MYO5C: variants seen among roughly 807,000 people sequenced by gnomAD.
MYO5C encodes the protein myosin VC.
In MYO5C, 194 loss-of-function variants were observed where a neutral mutation model predicts 235.7. That is an observed-to-expected ratio of 0.82 (90% CI 0.73 to 0.93). The LOEUF (loss-of-function observed/expected upper bound fraction) is 0.93. MYO5C is among the 40% of genes least tolerant of loss of function. The pLI is 0.00. For missense variants in MYO5C, 2,038 were observed against 2,127.2 expected, an observed-to-expected ratio of 0.96 and a Z score of 0.82; for synonymous variants, 707 against 754.8, an observed-to-expected ratio of 0.94 and a Z score of 1.04.
At chr15:52,286,417 GCCA>G (rs2037274233) in intron 1 of MYO5C, among the ~76,000 whole-genome samples, 1 of 152,122 alleles carries the variant, frequency 6.6e-6, no homozygotes, top group Admixed American at 6.5e-5. Context: ...CCTCTGCCCG[GCCA>G]CCACCCCGTC....
At chr15:52,263,287 T>C (rs1036023249) in intron 9 of MYO5C, among the ~76,000 whole-genome samples, 4 of 152,188 alleles carry the variant, frequency 2.6e-5, no homozygotes, top group Admixed American at 2.6e-4. Context: ...CTTCTTTACA[T>C]GGACATTGAT....
chr15:52,239,636 G>C (rs980551361), intron 21 of MYO5C, 97 bp downstream of exon 21: 65 of 1,333,316 alleles, frequency 4.9e-5, no homozygotes, highest in Non-Finnish European at 6.3e-5. Flanking sequence ...CTCCTAACAT[G>C]GCATAAATTT....
chr15:52,218,417 T>A (rs2035601421), intron 32 of MYO5C, 102 bp downstream of exon 32: 1 of 1,148,316 alleles, frequency 8.7e-7, no homozygotes, highest in Non-Finnish European at 1.2e-6. Flanking sequence ...GGAAGGACTT[T>A]TGGTCTATAG....
At chr15:52,215,077 TCATC>T (rs528065052) in intron 32 of MYO5C, among the ~76,000 whole-genome samples, 3 of 152,338 alleles carry the variant, frequency 2.0e-5, no homozygotes, top group South Asian at 4.1e-4. Flanking sequence ...TTTTCAAAAT[TCATC>T]CATGTCGTAG....
chr15:52,246,230 A>G (rs1414906785), intron 16 of MYO5C, among the ~76,000 whole-genome samples, 188 bp from the exon 17 acceptor site: 1 of 152,222 alleles, frequency 6.6e-6, no homozygotes, highest in Non-Finnish European at 1.5e-5. Context: ...GCAGTGGGAT[A>G]TAGAGAAAGG....
At chr15:52,272,202 C>G (rs2036939342) in intron 6 of MYO5C, among the ~76,000 whole-genome samples, 2 of 152,196 alleles carry the variant, frequency 1.3e-5, no homozygotes, top group South Asian at 2.1e-4. Context: ...GGCAGAAAAG[C>G]CTTTCTTTTA....
At chr15:52,200,855 A>G (rs1021893868) in intron 38 of MYO5C, among the ~76,000 whole-genome samples, 8 of 152,094 alleles carry the variant, frequency 5.3e-5, no homozygotes, top group African/African-American at 1.9e-4. Flanking sequence ...ATAAAGAAAA[A>G]CCAAATGGAA....
chr15:52,211,608 C>G, intron 35 of MYO5C, 122 bp downstream of exon 35: 3 of 1,136,556 alleles, frequency 2.6e-6, no homozygotes, highest in Non-Finnish European at 3.8e-6. Flanking sequence ...AGTTGGGCCT[C>G]AAACTTGTTT....
At chr15:52,260,714 G>T in intron 10 of MYO5C, 148 bp downstream of exon 10, 1 of 809,908 alleles carries the variant, frequency 1.2e-6, no homozygotes, top group Non-Finnish European at 1.9e-6. Flanking sequence ...GCCCAGGAGA[G>T]TGTACTTAGC....
At chr15:52,291,173 T>C (rs1232019663) in intron 1 of MYO5C, among the ~76,000 whole-genome samples, 2 of 152,150 alleles carry the variant, frequency 1.3e-5, no homozygotes, top group Non-Finnish European at 2.9e-5. Context: ...TCACAAGAAG[T>C]TGCACCGTAC....
At chr15:52,262,445 G>A (rs899961711) in intron 9 of MYO5C, among the ~76,000 whole-genome samples, 1 of 152,106 alleles carries the variant, frequency 6.6e-6, no homozygotes. Flanking sequence ...GGGGTTTGGG[G>A]AAAAAAGGGC....
intron 1 of MYO5C, among the ~76,000 whole-genome samples, chr15:52,285,020 A>G (rs1415018971): frequency 6.6e-6 from 1 of 152,076 alleles, no homozygotes; most frequent in Non-Finnish European, 1.5e-5. Flanking sequence ...AGTTCTTTCA[A>G]CATTGCATTA....
rs1234136377 is a variant in MYO5C at position 52,204,941 on chromosome 15, A to G, written c.4744T>C (p.Leu1582=). 1 of 1,614,032 alleles carries G rather than the reference A, an allele frequency of 6.2e-7. No individual in the cohort carries two copies. The highest frequency in any genetic ancestry group is 1.3e-5 in the African/African-American group (1 of 74,962). The change falls in exon 38 of 41, where the codon TTG becomes CTG. Residue 1582 remains leucine, a synonymous_variant. Coordinates refer to ENST00000261839, the MANE Select transcript of MYO5C (RefSeq NM_018728.4). ...CTGTTCAGCGTGACCGCCCCGATCA[A>G]GAAGAAGAGCTGCTTCACCGCCTGC... is the stretch of plus-strand genomic sequence containing the variant. The part of the protein sequence containing the change: ...VRQAVKQLFF[L]IGAVTLNSLF...
intron 1 of MYO5C, among the ~76,000 whole-genome samples, chr15:52,287,709 G>A (rs2037304452): frequency 6.6e-6 from 1 of 152,202 alleles, no homozygotes. Flanking sequence ...AGGCGCGGTG[G>A]CTCACGTGTG....
chr15:52,261,927 T>C (rs1372857437), intron 9 of MYO5C, among the ~76,000 whole-genome samples: 3 of 152,096 alleles, frequency 2.0e-5, no homozygotes, highest in Admixed American at 2.0e-4. Flanking sequence ...CTAAAAAGCC[T>C]CAGGACACAG....
At chr15:52,235,208 C>G (rs2036051007) in intron 23 of MYO5C, among the ~76,000 whole-genome samples, 1 of 152,186 alleles carries the variant, frequency 6.6e-6, no homozygotes, top group South Asian at 2.1e-4. Flanking sequence ...TCCGACAGAT[C>G]AGAATTTTTT....
chr15:52,277,908 A>G (rs2037086466), intron 4 of MYO5C: 1 of 456,016 alleles, frequency 2.2e-6, no homozygotes, highest in South Asian at 1.5e-5. Context: ...GCCCTCTGAG[A>G]GTCCAGCTCA....
Position 52,264,256 on chromosome 15 carries a change from C to T in MYO5C, c.981G>A (p.Leu327=). The stretch of plus-strand genomic sequence containing the variant: ...CATTGCCCAGATGTAGGATGGCTGC[C>T]AGGATTTTAAAAACGTCCATCTGAA... ...EDFQMDVFKI[L]AAILHLGNVQ... Residue 327 remains leucine (L), a synonymous_variant, in exon 9 of 41, where the codon CTG becomes CTA. Coordinates refer to ENST00000261839, the MANE Select transcript of MYO5C (RefSeq NM_018728.4). 6.2e-7 allele frequency: 1 copy of T among 1,614,150 alleles called. No individual in the cohort carries two copies. The highest frequency in any genetic ancestry group is 8.5e-7 in the Non-Finnish European group (1 of 1,180,016).
chr15:52,203,049 T>A (rs2035224512), intron 38 of MYO5C, among the ~76,000 whole-genome samples: 1 of 151,658 alleles, frequency 6.6e-6, no homozygotes, highest in Non-Finnish European at 1.5e-5. Context: ...GCCTCATGAG[T>A]AGCTGAGATT....
Sources: gnomAD v4.1 joint callset for allele counts (sites outside exome capture counted in the v4.1 genomes callset) on GRCh38, gnomAD v4.1.1 for gene constraint, MANE v1.5 for transcripts, NCBI Gene and HGNC (gene_info 2026-07-23, HGNC 2026-07-21) for gene names.